The following GSE1 variants were observed in gnomAD, a reference collection of about 807,000 sequenced individuals.
GSE1 encodes Gse1 coiled-coil protein.
Under a neutral mutation model 112.6 loss-of-function variants are expected in GSE1, and 32 were observed. That is an observed-to-expected ratio of 0.28 (90% CI 0.21 to 0.38). The LOEUF is 0.38. GSE1 is among the 10% of genes least tolerant of loss of function. The pLI, the probability that GSE1 is intolerant of heterozygous loss-of-function variation, is 1.00. For synonymous variants in GSE1, 1,115 were observed against 735.6 expected, an observed-to-expected ratio of 1.52 and a Z score of -8.35; for missense variants, 2,348 against 1,699.2, an observed-to-expected ratio of 1.38 and a Z score of -6.71.
intron 2 of GSE1, among the ~76,000 whole-genome samples, chr16:85,640,194 G>C (rs895358580): frequency 2.0e-5 from 3 of 152,092 alleles, no homozygotes; most frequent in African/African-American, 7.2e-5. Flanking sequence ...TTCCCACCCC[G>C]CCTCCTTGTC....
intron 1 of GSE1, among the ~76,000 whole-genome samples, chr16:85,246,235 AC>A (rs1905675632): frequency 2.3e-5 from 3 of 128,840 alleles, no homozygotes; most frequent in Non-Finnish European, 5.0e-5. Context: ...ACACACACAC[AC>A]ACGCACACCA....
intron 2 of GSE1, among the ~76,000 whole-genome samples, chr16:85,507,272 C>T (rs1265050361): frequency 6.6e-6 from 1 of 152,222 alleles, no homozygotes; most frequent in African/African-American, 2.4e-5. Flanking sequence ...AGAGCTCCGT[C>T]CTCGGCATTC....
At chr16:85,425,056 C>T (rs919359520) in intron 2 of GSE1, among the ~76,000 whole-genome samples, 6 of 152,224 alleles carry the variant, frequency 3.9e-5, no homozygotes, top group African/African-American at 1.4e-4. Flanking sequence ...CTGGACTGGG[C>T]TGGGGGCCCC....
At chr16:85,222,946 A>G (rs1175842361) in intron 1 of GSE1, among the ~76,000 whole-genome samples, 2 of 152,222 alleles carry the variant, frequency 1.3e-5, no homozygotes, top group Non-Finnish European at 2.9e-5. Context: ...ACTGTCTGCT[A>G]TATATCCAAA....
At chr16:85,555,864 T>C (rs1228181856), upstream of GSE1, 3 of 902,402 alleles carry the variant, frequency 3.3e-6, no homozygotes, top group African/African-American at 1.9e-5. Flanking sequence ...CTGAAGATCT[T>C]AACCCCCCAA....
intron 1 of GSE1, among the ~76,000 whole-genome samples, chr16:85,225,566 C>T (rs558352759): frequency 2.9e-4 from 44 of 152,280 alleles, no homozygotes; most frequent in Non-Finnish European, 5.3e-4. Context: ...CCTCCGCTGC[C>T]GGGTAGAGAG....
intron 2 of GSE1, among the ~76,000 whole-genome samples, chr16:85,535,361 G>A (rs1475584697): frequency 6.6e-6 from 1 of 152,196 alleles, no homozygotes; most frequent in Non-Finnish European, 1.5e-5. Context: ...GTCTCCGGGG[G>A]GTATGAGATT....
chr16:85,632,577 A>G (rs1598461436), intron 1 of GSE1, among the ~76,000 whole-genome samples: 1 of 152,122 alleles, frequency 6.6e-6, no homozygotes, highest in East Asian at 1.9e-4. Flanking sequence ...TCCCATGGGG[A>G]CAGGTTCCAA....
chr16:85,621,190 C>T (rs1383490325), intron 1 of GSE1, among the ~76,000 whole-genome samples: 3 of 148,028 alleles, frequency 2.0e-5, no homozygotes, highest in Non-Finnish European at 4.5e-5. Context: ...TGTTGGGGAA[C>T]CCGTGTAGAT....
intron 1 of GSE1, among the ~76,000 whole-genome samples, chr16:85,335,188 G>T (rs2046456740): frequency 6.6e-6 from 1 of 152,198 alleles, no homozygotes; most frequent in African/African-American, 2.4e-5. Context: ...GGGTGGAGGG[G>T]AATCATTTTC....
rs1014966823 is a variant in GSE1, at chr16:85,298,480, G to A, written c.2284-58983G>A. ...AGTCTCTCTCTCACCCAGGTTGGAG[G>A]GCAGTGGCACGATCTCCGCTCACTG... is the stretch of plus-strand genomic sequence containing the variant. On this transcript the variant is annotated intron_variant, in intron 1 of 2. Transcript: ENST00000637419. Among the ~76,000 whole-genome samples the A allele has an allele frequency of 1.3e-4, 20 of 152,032 alleles. No homozygotes were observed. The East Asian group carries it at 2.5e-3, about 19-fold the overall frequency.
chr16:85,491,368 G>A (rs1160524473), intron 2 of GSE1, among the ~76,000 whole-genome samples: 1 of 152,214 alleles, frequency 6.6e-6, no homozygotes, highest in East Asian at 1.9e-4. Context: ...CAGACAGGAA[G>A]CTCCCTACAG....
At chr16:85,263,251 C>G (rs1004917704) in intron 1 of GSE1, among the ~76,000 whole-genome samples, 2 of 151,994 alleles carry the variant, frequency 1.3e-5, no homozygotes, top group African/African-American at 4.8e-5. Flanking sequence ...CAAAGATCAT[C>G]AAACCTTTTT....
rs7192514 is a variant in GSE1, at chr16:85,276,574, A to T, written c.2284-80889A>T. 6.6e-5 allele frequency among the ~76,000 whole-genome samples: 10 copies of T among 152,140 alleles called. No individual in the cohort carries two copies. In the South Asian group the frequency reaches 1.0e-3, roughly 16 times the overall value. On this transcript the variant is annotated intron_variant, in intron 1 of 2. Transcript: ENST00000637419. ...GAGCAATATTAAGGATGTTTAATCC[A>T]GAAAGGGCCCGGGTTCGGGGTGACC... is the stretch of plus-strand genomic sequence containing the variant.
chr16:85,632,520 A>AG (rs2049624493), intron 1 of GSE1, among the ~76,000 whole-genome samples: 2 of 152,098 alleles, frequency 1.3e-5, no homozygotes, highest in Non-Finnish European at 2.9e-5. Flanking sequence ...CAGGTGGACA[A>AG]AGGAGGTCTT....
intron 1 of GSE1, among the ~76,000 whole-genome samples, chr16:85,587,595 CT>C (rs2046768663): frequency 6.6e-6 from 1 of 152,098 alleles, no homozygotes; most frequent in Non-Finnish European, 1.5e-5. Flanking sequence ...GGCTTCTCAG[CT>C]CAGCCCAGGC....
In GSE1 at chr16:85,634,016, C is replaced by T. The variant is rs772479714; in HGVS notation, c.110C>T (p.Ala37Val). The T allele has an allele frequency of 1.9e-6, 3 of 1,612,056 alleles. No homozygotes were observed. Among genetic ancestry groups the T allele is most frequent in the South Asian group, 2.2e-5 (2 of 90,954 alleles). ...CTCACCCCCTCGCCGCTCAATGGCG[C>T]CCTGGTGCCCAGCGGCAGCCCCGCC... ...NPLTPSPLNG[A>V]LVPSGSPATS... Residue 37 changes from alanine (A) to valine (V), a missense_variant, in exon 2 of 16, where the codon GCC (alanine) becomes GTC (valine). Physicochemically the swap from Ala to Val is moderately conservative, Grantham distance 64. Transcript: ENST00000253458.
At chr16:85,353,132 G>A (rs898652002) in intron 1 of GSE1, among the ~76,000 whole-genome samples, 6 of 152,218 alleles carry the variant, frequency 3.9e-5, no homozygotes, top group African/African-American at 1.2e-4. Flanking sequence ...TGGCTAGGAC[G>A]CAGTCTCAGA....
chr16:85,183,515 G>C (rs549442548), intron 1 of GSE1, among the ~76,000 whole-genome samples: 2 of 152,344 alleles, frequency 1.3e-5, no homozygotes, highest in South Asian at 4.1e-4. Flanking sequence ...TCACCCCTGT[G>C]GTCCTCTGGG....
Sources: allele counts gnomAD v4.1 joint callset (sites outside exome capture counted in the v4.1 genomes callset), GRCh38; gene constraint gnomAD v4.1.1; transcripts MANE v1.5; gene names NCBI Gene and HGNC (gene_info 2026-07-23, HGNC 2026-07-21).